DTNA: variants seen among roughly 807,000 people sequenced by gnomAD.
DTNA encodes the protein dystrobrevin alpha, also known as dystrophin-related protein 3.
DTNA carries 43 observed loss-of-function variants against 100.7 expected under a neutral mutation model. That is an observed-to-expected ratio of 0.43 (90% CI 0.33 to 0.55). DTNA has a LOEUF of 0.55. Among genes scored for constraint, DTNA ranks in the 20% least tolerant of loss-of-function variants. The pLI is 0.04. For missense variants in DTNA, 798 were observed against 953.9 expected, an observed-to-expected ratio of 0.84 and a Z score of 2.15; for synonymous variants, 349 against 347.9, an observed-to-expected ratio of 1.00 and a Z score of -0.04.
chr18:34,797,712 C>T (rs2095039775), intron 4 of DTNA, among the ~76,000 whole-genome samples: 1 of 152,142 alleles, frequency 6.6e-6, no homozygotes, highest in Non-Finnish European at 1.5e-5. Context: ...TAATGTGCAG[C>T]CTTTTTGAGA....
chr18:34,747,526 A>G (rs1259783246), intron 1 of DTNA, among the ~76,000 whole-genome samples: 1 of 152,062 alleles, frequency 6.6e-6, no homozygotes, highest in African/African-American at 2.4e-5. Flanking sequence ...CCCAAAGTCC[A>G]TTATGTCGTT....
At chr18:34,533,607 A>C (rs1568604338) in intron 1 of DTNA, among the ~76,000 whole-genome samples, 1 of 152,120 alleles carries the variant, frequency 6.6e-6, no homozygotes. Context: ...TAATTGAGTA[A>C]CTTATTTGCA....
At chr18:34,524,544 T>C (rs1261768316) in intron 1 of DTNA, among the ~76,000 whole-genome samples, 2 of 152,160 alleles carry the variant, frequency 1.3e-5, no homozygotes, top group African/African-American at 4.8e-5. Context: ...TCATCTGACT[T>C]CTATTATAAA....
chr18:34,887,664 C>T, intron 22 of DTNA, 102 bp from the exon 23 acceptor site: 1 of 892,328 alleles, frequency 1.1e-6, no homozygotes, highest in Non-Finnish European at 1.3e-6. Context: ...TGTGCGCGCG[C>T]ACTTTCTTCT....
chr18:34,836,309 A>G (rs888206048), intron 11 of DTNA, among the ~76,000 whole-genome samples: 1 of 152,226 alleles, frequency 6.6e-6, no homozygotes, highest in African/African-American at 2.4e-5. Context: ...AAAGTTATTG[A>G]GGTCATCAGG....
chr18:34,622,752 C>T (rs1165209506), intron 1 of DTNA, among the ~76,000 whole-genome samples: 3 of 152,148 alleles, frequency 2.0e-5, no homozygotes, highest in Non-Finnish European at 4.4e-5. Flanking sequence ...CCTCGTGCCC[C>T]TCTCCACCCG....
At chr18:34,565,093 T>C (rs1350743605) in intron 1 of DTNA, among the ~76,000 whole-genome samples, 3 of 152,226 alleles carry the variant, frequency 2.0e-5, no homozygotes, top group African/African-American at 7.2e-5. Flanking sequence ...TAGGCATTTT[T>C]AAAAGTCATA....
intron 1 of DTNA, among the ~76,000 whole-genome samples, chr18:34,692,937 C>CA (rs1358745306): frequency 6.6e-6 from 1 of 151,788 alleles, no homozygotes; most frequent in Non-Finnish European, 1.5e-5. Context: ...CTTTAGAATG[C>CA]AAAAAAATTT....
intron 1 of DTNA, among the ~76,000 whole-genome samples, chr18:34,610,862 T>G (rs2054078898): frequency 6.6e-6 from 1 of 152,206 alleles, no homozygotes; most frequent in Non-Finnish European, 1.5e-5. Context: ...ATGTAAAGAA[T>G]TGATGAGCTC....
intron 1 of DTNA, among the ~76,000 whole-genome samples, chr18:34,614,745 G>T (rs2054901559): frequency 6.6e-6 from 1 of 152,208 alleles, no homozygotes; most frequent in Admixed American, 6.5e-5. Flanking sequence ...TCTTACAGAT[G>T]AGCAAAGGAA....
intron 1 of DTNA, among the ~76,000 whole-genome samples, chr18:34,583,642 CAG>C (rs1480201091): frequency 6.7e-6 from 1 of 150,126 alleles, no homozygotes; most frequent in Non-Finnish European, 1.5e-5. Context: ...TTTAGCTAAA[CAG>C]AGATGTAGAA....
rs1006156383 is a variant in DTNA at position 34,670,516 on chromosome 18, C to T, written c.-1-85460C>T. On this transcript the variant is annotated intron_variant, in intron 1 of 19. Transcript: ENST00000283365. ...AGGTTCTCTGATTTTTAGAATTTTC[C>T]GTTTTTCTGTTCTGTTTTTTCCCCA... is the stretch of plus-strand genomic sequence containing the variant. 4.6e-5 allele frequency among the ~76,000 whole-genome samples: 7 copies of T among 152,082 alleles called. No individual in the cohort carries two copies. The East Asian group carries it at 5.8e-4, about 13-fold the overall frequency.
chr18:34,523,083 T>C (rs1424397057), intron 1 of DTNA, among the ~76,000 whole-genome samples: 1 of 152,148 alleles, frequency 6.6e-6, no homozygotes, highest in Non-Finnish European at 1.5e-5. Flanking sequence ...CCCTCTTTAC[T>C]CCCAAGTCAC....
chr18:34,748,335 G>A (rs907420550), intron 1 of DTNA, among the ~76,000 whole-genome samples: 2 of 151,956 alleles, frequency 1.3e-5, no homozygotes, highest in African/African-American at 2.4e-5. Context: ...ATTTATTTTT[G>A]TTCTTGTCAC....
intron 1 of DTNA, among the ~76,000 whole-genome samples, chr18:34,584,526 G>C (rs781268002): frequency 4.0e-5 from 6 of 148,464 alleles, no homozygotes; most frequent in Non-Finnish European, 8.8e-5. Flanking sequence ...ACAAAGATGA[G>C]AGACTCTTCT....
At chr18:34,579,587 T>C (rs1191258386) in intron 1 of DTNA, among the ~76,000 whole-genome samples, 1 of 152,200 alleles carries the variant, frequency 6.6e-6, no homozygotes, top group Non-Finnish European at 1.5e-5. Flanking sequence ...CCTTCAATAC[T>C]TTGCAGATAT....
rs144437422 is a variant in DTNA at position 34,734,868 on chromosome 18, A to G, written c.-1-21108A>G. On this transcript the variant is annotated intron_variant, in intron 1 of 22. Coordinates refer to ENST00000444659, the MANE Select transcript of DTNA (RefSeq NM_001386795.1). The stretch of plus-strand genomic sequence containing the variant: ...ACCAAGGACTATCAGTGTTCTCCAT[A>G]CTATTAGAAGTAGAGTCCTTAGCAT... Among the ~76,000 whole-genome samples, 1,514 of 152,274 alleles carry G rather than the reference A, an allele frequency of 9.9e-3. 21 individuals carry two copies. The highest frequency in any genetic ancestry group is 0.034 in the African/African-American group (1,433 of 41,560).
At chr18:34,879,480 C>A (rs981185833) in intron 19 of DTNA, 71 bp from the exon 20 acceptor site, 21 of 1,491,502 alleles carry the variant, frequency 1.4e-5, no homozygotes, top group Non-Finnish European at 1.8e-5. Flanking sequence ...TTTGTGAAGC[C>A]TACTCCTTTA....
At chr18:34,868,872 T>A in intron 17 of DTNA, 1 of 736,524 alleles carries the variant, frequency 1.4e-6, no homozygotes, top group Non-Finnish European at 1.7e-6. Context: ...GAAGGAACCA[T>A]AAAAAGAACA....
Sources: allele counts gnomAD v4.1 joint callset (sites outside exome capture counted in the v4.1 genomes callset), GRCh38; gene constraint gnomAD v4.1.1; transcripts MANE v1.5; gene names NCBI Gene and HGNC (gene_info 2026-07-23, HGNC 2026-07-21).